NEURL1: variants seen among roughly 807,000 people sequenced by gnomAD.
NEURL1 encodes the protein neuralized E3 ubiquitin protein ligase 1.
NEURL1 carries 26 observed loss-of-function variants against 41.2 expected under a neutral mutation model. The observed-to-expected ratio is 0.63, with a 90% CI of 0.46 to 0.87. The LOEUF (loss-of-function observed/expected upper bound fraction) is 0.87. Ranked by LOEUF, NEURL1 falls within the 40% of genes least tolerant of loss-of-function variation. The pLI, the probability that NEURL1 is intolerant of heterozygous loss-of-function variation, is 0.00. For missense variants in NEURL1, 761 were observed against 871.1 expected, an observed-to-expected ratio of 0.87 and a Z score of 1.59; for synonymous variants, 400 against 402.3, an observed-to-expected ratio of 0.99 and a Z score of 0.07.
intron 1 of NEURL1, among the ~76,000 whole-genome samples, chr10:103,527,839 T>C (rs541513688): frequency 1.3e-5 from 2 of 152,352 alleles, no homozygotes; most frequent in African/African-American, 4.8e-5. Context: ...CTATCTTCTC[T>C]AACTTCTGCT....
intron 1 of NEURL1, among the ~76,000 whole-genome samples, chr10:103,534,564 G>A (rs1157212192): frequency 6.6e-6 from 1 of 152,170 alleles, no homozygotes; most frequent in Admixed American, 6.5e-5. Flanking sequence ...CGTGGCCTAG[G>A]CTGTAGATGT....
chr10:103,577,675 G>C (rs1216886967), intron 3 of NEURL1: 1 of 152,246 alleles, frequency 6.6e-6, no homozygotes, highest in Non-Finnish European at 1.5e-5. Flanking sequence ...AGAGCTCAAG[G>C]CATCAAGGAT....
At chr10:103,588,008 C>T (rs1592245888) in intron 4 of NEURL1, among the ~76,000 whole-genome samples, 1 of 152,206 alleles carries the variant, frequency 6.6e-6, no homozygotes, top group East Asian at 1.9e-4. Context: ...ATTTCCTGTT[C>T]TAAGAAAGCT....
intron 1 of NEURL1, among the ~76,000 whole-genome samples, chr10:103,533,697 C>T (rs538644229): frequency 9.2e-5 from 14 of 152,146 alleles, no homozygotes; most frequent in South Asian, 2.1e-4. Context: ...CCATCACACC[C>T]GGCTAATTTT....
At chr10:103,580,953 G>GT (rs2035772270) in intron 3 of NEURL1, among the ~76,000 whole-genome samples, 1 of 152,134 alleles carries the variant, frequency 6.6e-6, no homozygotes, top group Non-Finnish European at 1.5e-5. Context: ...CATTCAATGA[G>GT]TATTTCCTGG....
In NEURL1 at chr10:103,544,449, C is replaced by T. The variant is rs539831284; in HGVS notation, c.86-26423C>T. On this transcript the variant is annotated intron_variant, in intron 1 of 5. Transcript: ENST00000369780. ...AGTTTAGAAATTCTTGATTGCCTCCCCCCAAATGATCCCCATCCCACATTC... is the reference window on the plus strand; with the variant it reads ...AGTTTAGAAATTCTTGATTGCCTCCTCCCAAATGATCCCCATCCCACATTC... 8.5e-5 allele frequency among the ~76,000 whole-genome samples: 13 copies of T among 152,214 alleles called. No individual in the cohort carries two copies. In the South Asian group the frequency reaches 2.7e-3, roughly 32 times the overall value.
intron 3 of NEURL1, among the ~76,000 whole-genome samples, chr10:103,573,254 G>A (rs1173124705): frequency 6.6e-6 from 1 of 152,200 alleles, no homozygotes. Context: ...CTCAGCGACT[G>A]AAGAAGGGAG....
intron 1 of NEURL1, among the ~76,000 whole-genome samples, chr10:103,539,740 C>T (rs2034777963): frequency 6.6e-6 from 1 of 152,224 alleles, no homozygotes; most frequent in African/African-American, 2.4e-5. Flanking sequence ...AAAGACCACA[C>T]ATTTCAGCTT....
chr10:103,558,631 A>G lies in NEURL1; in HGVS notation c.86-12241A>G, dbSNP rs367966943. ...TGGGGAAATGAATTCCCATTTGGAA[A>G]ATGGTTTAAGCGGTTACACGCTTGA... On this transcript the variant is annotated intron_variant, in intron 1 of 5. Transcript: ENST00000369780. This position sits in a 1 kb window ranked among gnomAD's most constrained non-coding sequence, Gnocchi z 4.2. Among the ~76,000 whole-genome samples the G allele has an allele frequency of 1.2e-4, 18 of 152,036 alleles. No homozygotes were observed. The East Asian group carries it at 2.9e-3, about 25-fold the overall frequency.
chr10:103,509,136 GC>G (rs1470874756), intron 1 of NEURL1, among the ~76,000 whole-genome samples: 3 of 151,902 alleles, frequency 2.0e-5, no homozygotes, highest in African/African-American at 7.3e-5. Context: ...GGAGGCTGAG[GC>G]AGGAGAATCA....
At chr10:103,559,393 C>T (rs767031538) in intron 1 of NEURL1, among the ~76,000 whole-genome samples, 3 of 152,012 alleles carry the variant, frequency 2.0e-5, no homozygotes, top group Non-Finnish European at 4.4e-5. Context: ...GATGCTGGGT[C>T]AGTGGGTAGC....
intron 1 of NEURL1, among the ~76,000 whole-genome samples, chr10:103,559,362 G>T (rs2035231687): frequency 6.6e-6 from 1 of 152,190 alleles, no homozygotes. Context: ...CCTGGCGCCT[G>T]GCACACAGTG....
intron 1 of NEURL1, among the ~76,000 whole-genome samples, chr10:103,533,813 G>GAT: frequency 6.6e-6 from 1 of 152,112 alleles, no homozygotes; most frequent in African/African-American, 2.4e-5. Flanking sequence ...TGGGATTACA[G>GAT]GCTTGAGCCA....
intron 1 of NEURL1, among the ~76,000 whole-genome samples, chr10:103,542,532 G>A (rs1180888489): frequency 1.3e-5 from 2 of 152,142 alleles, no homozygotes; most frequent in Admixed American, 1.3e-4. Flanking sequence ...CAAAGTGCTA[G>A]GATTACAGGT....
intron 1 of NEURL1, among the ~76,000 whole-genome samples, chr10:103,531,240 A>G (rs993566038): frequency 6.6e-6 from 1 of 151,958 alleles, no homozygotes; most frequent in African/African-American, 2.4e-5. Context: ...TGTGTTCTAG[A>G]GCTGTTTGAT....
At chr10:103,497,852 T>C (rs1447436628) in intron 1 of NEURL1, among the ~76,000 whole-genome samples, 1 of 152,102 alleles carries the variant, frequency 6.6e-6, no homozygotes, top group Non-Finnish European at 1.5e-5. Context: ...ATCAAGTGTT[T>C]GCTTGGTTGT....
intron 1 of NEURL1, among the ~76,000 whole-genome samples, chr10:103,496,496 C>T (rs2033688831): frequency 6.6e-6 from 1 of 152,154 alleles, no homozygotes; most frequent in African/African-American, 2.4e-5. Context: ...CAATTATTTC[C>T]TCTGGGTATA....
intron 1 of NEURL1, among the ~76,000 whole-genome samples, chr10:103,565,078 GA>G (rs2035390378): frequency 6.6e-6 from 1 of 152,200 alleles, no homozygotes; most frequent in South Asian, 2.1e-4. Flanking sequence ...CCGCAGGGTG[GA>G]CAGGAGAGGA....
chr10:103,571,143 C>T, intron 2 of NEURL1, 30 bp downstream of exon 2: 4 of 1,602,032 alleles, frequency 2.5e-6, no homozygotes, highest in Non-Finnish European at 3.4e-6. Flanking sequence ...CCGCCCCCGC[C>T]TCCTGCTTCC....
Sources: gnomAD v4.1 joint callset for allele counts (sites outside exome capture counted in the v4.1 genomes callset) on GRCh38, gnomAD v4.1.1 for gene constraint, Gnocchi (gnomAD v3.1) non-coding constraint, MANE v1.5 for transcripts, NCBI Gene and HGNC (gene_info 2026-07-23, HGNC 2026-07-21) for gene names.